THSD4: variants seen among roughly 807,000 people sequenced by gnomAD.
THSD4 encodes thrombospondin type-1 domain-containing protein 4.
In THSD4, 69 loss-of-function variants were observed where a neutral mutation model predicts 119.0. The observed-to-expected ratio is 0.58, with a 90% CI of 0.48 to 0.71. The LOEUF is 0.71. Ranked by LOEUF, THSD4 falls within the 30% of genes least tolerant of loss-of-function variation. THSD4 has a pLI of 0.00. For synonymous variants in THSD4, 524 were observed against 540.4 expected (o/e 0.97, Z 0.42); for missense variants, 1,393 against 1,391.1 (o/e 1.00, Z -0.02).
At chr15:71,768,560 A>ATT (rs964263863) in intron 16 of THSD4, among the ~76,000 whole-genome samples, 41,084 of 99,176 alleles carry the variant, frequency 0.41, 10,906 homozygotes, top group Non-Finnish European at 0.56. Flanking sequence ...GCAGATCCTG[A>ATT]TTTTTTTTTT....
chr15:71,703,535 C>A (rs926589693), intron 8 of THSD4, among the ~76,000 whole-genome samples: 1 of 152,126 alleles, frequency 6.6e-6, no homozygotes, highest in South Asian at 2.1e-4. Flanking sequence ...GTGGTTATAA[C>A]CTGAGATACA....
intron 6 of THSD4, among the ~76,000 whole-genome samples, chr15:71,401,592 T>A (rs1790522525): frequency 6.6e-6 from 1 of 152,176 alleles, no homozygotes; most frequent in African/African-American, 2.4e-5. Flanking sequence ...ATGAAGATCT[T>A]CATGAAACAA....
At chr15:71,277,788 G>A (rs734441) in intron 6 of THSD4, among the ~76,000 whole-genome samples, 20,572 of 152,008 alleles carry the variant, frequency 0.14, 1,808 homozygotes, top group Admixed American at 0.24. Context: ...TTCTCCTGGT[G>A]GTGTCCAGTG....
At position 71,491,533 on chromosome 15, in the gene THSD4, A is replaced by T. The variant is rs114360356; in HGVS notation, c.1152+79710A>T. ...GCATCAGCAGGAAGGCCCTTGCCAG[A>T]TGTAGCTCCTCAACTTTGGACTTCC... On this transcript the variant is annotated intron_variant, in intron 7 of 17. Coordinates refer to ENST00000261862, the MANE Select transcript of THSD4 (RefSeq NM_024817.3). Among the ~76,000 whole-genome samples, 196 of 152,302 alleles carry T rather than the reference A, an allele frequency of 1.3e-3. 1 individual carries two copies. The highest frequency in any genetic ancestry group is 4.4e-3 in the African/African-American group (182 of 41,558).
At chr15:71,347,930 C>T (rs72761515) in intron 6 of THSD4, among the ~76,000 whole-genome samples, 8,143 of 152,252 alleles carry the variant, frequency 0.053, 233 homozygotes, top group African/African-American at 0.077. Flanking sequence ...TCCATACCCA[C>T]ATAATAACAA....
chr15:71,492,082 G>A (rs903764121), intron 7 of THSD4, among the ~76,000 whole-genome samples: 2 of 150,666 alleles, frequency 1.3e-5, no homozygotes, highest in African/African-American at 2.4e-5. Context: ...TTTTCTGTGG[G>A]CATGTTAGCT....
chr15:71,503,136 G>A (rs780386148), intron 7 of THSD4, among the ~76,000 whole-genome samples: 2 of 152,160 alleles, frequency 1.3e-5, no homozygotes, highest in Non-Finnish European at 2.9e-5. Context: ...CCTCTCTGAG[G>A]ACACATTTGA....
intron 1 of THSD4, among the ~76,000 whole-genome samples, chr15:71,122,444 A>C (rs1455721325): frequency 1.3e-5 from 2 of 152,200 alleles, no homozygotes. Context: ...AGGAACTCTC[A>C]GGCCAGTTAG....
chr15:71,597,710 C>T (rs746929282), intron 7 of THSD4, among the ~76,000 whole-genome samples: 7 of 152,130 alleles, frequency 4.6e-5, no homozygotes, highest in African/African-American at 9.7e-5. Context: ...ATGACACTGA[C>T]GAATTTTTAA....
At chr15:71,546,002 C>T (rs1426151819) in intron 7 of THSD4, among the ~76,000 whole-genome samples, 1 of 152,134 alleles carries the variant, frequency 6.6e-6, no homozygotes, top group African/African-American at 2.4e-5. Context: ...GCTGCTGATA[C>T]TTATTTCAGA....
At chr15:71,126,915 A>C (rs1939567719) in intron 1 of THSD4, among the ~76,000 whole-genome samples, 1 of 152,250 alleles carries the variant, frequency 6.6e-6, no homozygotes, top group Non-Finnish European at 1.5e-5. Context: ...TCCTCACCTC[A>C]AATACTTATC....
intron 7 of THSD4, among the ~76,000 whole-genome samples, chr15:71,603,334 C>G (rs532692791): frequency 6.6e-6 from 1 of 152,280 alleles, no homozygotes; most frequent in Non-Finnish European, 1.5e-5. Flanking sequence ...GATTGAACAC[C>G]AGGTCACCAC....
chr15:71,735,734 CACTG>C, intron 10 of THSD4, among the ~76,000 whole-genome samples: 1 of 150,984 alleles, frequency 6.6e-6, no homozygotes, highest in East Asian at 2.0e-4. Context: ...TGCTTTCTGT[CACTG>C]TCCCTGTCTC....
intron 7 of THSD4, among the ~76,000 whole-genome samples, chr15:71,623,025 T>C (rs1433304076): frequency 6.6e-6 from 1 of 151,832 alleles, no homozygotes; most frequent in Non-Finnish European, 1.5e-5. Flanking sequence ...GCTCCAGCAG[T>C]GCCAGTTGAT....
At chr15:71,476,545 C>T (rs1490070124) in intron 7 of THSD4, among the ~76,000 whole-genome samples, 1 of 152,110 alleles carries the variant, frequency 6.6e-6, no homozygotes. Context: ...CCTGGCCAAC[C>T]CCTTGTATAT....
At chr15:71,692,977 A>G (rs1237805714) in intron 8 of THSD4, among the ~76,000 whole-genome samples, 1 of 508 alleles carries the variant, frequency 2.0e-3, no homozygotes, top group Non-Finnish European at 7.2e-3. Flanking sequence ...AGTTTCCTAA[A>G]CAGATGAGAG....
intron 6 of THSD4, 93 bp downstream of exon 6, chr15:71,256,808 T>A: frequency 8.2e-7 from 1 of 1,223,140 alleles, no homozygotes; most frequent in Non-Finnish European, 1.2e-6. Flanking sequence ...ATTGGTGTGA[T>A]CCTGGCTGGG....
intron 7 of THSD4, among the ~76,000 whole-genome samples, chr15:71,473,219 G>A (rs547774143): frequency 6.6e-6 from 1 of 152,028 alleles, no homozygotes; most frequent in East Asian, 1.9e-4. Context: ...TACCACACCT[G>A]GCTAATTTTT....
At chr15:71,522,109 A>G (rs2140788318) in intron 7 of THSD4, among the ~76,000 whole-genome samples, 1 of 152,262 alleles carries the variant, frequency 6.6e-6, no homozygotes, top group South Asian at 2.1e-4. Context: ...GCACCTCATG[A>G]AGGCACATAC....
Sources: allele counts gnomAD v4.1 joint callset (sites outside exome capture counted in the v4.1 genomes callset), GRCh38; gene constraint gnomAD v4.1.1; transcripts MANE v1.5; gene names NCBI Gene and HGNC (gene_info 2026-07-23, HGNC 2026-07-21).